Variants in DMD observed in about 807,000 individuals in gnomAD.
DMD encodes dystrophin.
DMD carries 63 observed loss-of-function variants against 330.1 expected under a neutral mutation model. The ratio of observed to expected loss-of-function variants is 0.19; its 90% confidence interval spans 0.16 to 0.24. The LOEUF (loss-of-function observed/expected upper bound fraction) is 0.24, where lower values mean the gene tolerates loss of function less well. DMD is among the 10% of genes least tolerant of loss of function. The probability of loss-of-function intolerance (pLI) is 1.00; values close to 1 mark genes in which losing one functional copy is unlikely to be tolerated. For synonymous variants in DMD, 1,223 were observed against 959.8 expected (o/e 1.27, Z -5.07); for missense variants, 3,344 against 2,684.1 (o/e 1.25, Z -5.43).
Position 31,582,692 on chromosome X carries a change from C to T in DMD, c.8217+44981G>A, listed in dbSNP as rs187301915. Among the ~76,000 whole-genome samples, 399 of 111,379 alleles carry T rather than the reference C, an allele frequency of 3.6e-3. 2 individuals carry two copies. Among genetic ancestry groups the T allele is most frequent in the African/African-American group, 0.012 (374 of 30,657 alleles). ...AATCTCATTTAAGCCCTTTAGTCAC[C>T]CTAAGAAACAGAAAACTTTATGAGG... is the stretch of plus-strand genomic sequence containing the variant. On this transcript the variant is annotated intron_variant, in intron 55 of 78. Transcript: ENST00000357033.
At chrX:32,311,833 C>A (rs1218008986) in intron 41 of DMD, among the ~76,000 whole-genome samples, 1 of 111,670 alleles carries the variant, frequency 9.0e-6, no homozygotes, top group East Asian at 2.8e-4. Context: ...TTCACTGACA[C>A]ATTAAACAGT....
At chrX:32,852,259 C>G (rs1344397325) in intron 2 of DMD, among the ~76,000 whole-genome samples, 1 of 111,496 alleles carries the variant, frequency 9.0e-6, no homozygotes, top group Non-Finnish European at 1.9e-5. Flanking sequence ...GGCCCTGGCT[C>G]CTGAGTGACA....
At chrX:31,721,636 T>C (rs1051495614) in intron 52 of DMD, among the ~76,000 whole-genome samples, 1 of 100,305 alleles carries the variant, frequency 1.0e-5, no homozygotes, top group Non-Finnish European at 2.0e-5. Flanking sequence ...TGTATATATA[T>C]AATATTATTA....
intron 44 of DMD, among the ~76,000 whole-genome samples, chrX:32,161,451 A>C (rs2096849067): frequency 8.9e-6 from 1 of 111,840 alleles, no homozygotes; most frequent in Non-Finnish European, 1.9e-5. Flanking sequence ...GAGCTTATAC[A>C]AGACCGTGGG....
At chrX:32,628,099 G>T (rs908518563) in intron 11 of DMD, among the ~76,000 whole-genome samples, 1 of 107,779 alleles carries the variant, frequency 9.3e-6, no homozygotes, top group African/African-American at 3.4e-5. Context: ...ATGTTTGACA[G>T]TAATCATCCT....
intron 60 of DMD, among the ~76,000 whole-genome samples, chrX:31,382,285 C>T (rs868276265): frequency 9.0e-6 from 1 of 111,605 alleles, no homozygotes; most frequent in African/African-American, 3.3e-5. Flanking sequence ...CCTGTATGGA[C>T]GCTCCTTTTT....
At chrX:31,414,649 G>A (rs2061790688) in intron 60 of DMD, among the ~76,000 whole-genome samples, 1 of 111,649 alleles carries the variant, frequency 9.0e-6, no homozygotes, top group South Asian at 3.8e-4. Context: ...CATTTCTTCC[G>A]CTCATCTGAT....
At chrX:32,836,033 A>C (rs1218971872) in intron 4 of DMD, among the ~76,000 whole-genome samples, 6 of 108,205 alleles carry the variant, frequency 5.5e-5, no homozygotes, top group Non-Finnish European at 1.1e-4. Context: ...GGTATTCAAA[A>C]AAAAATTTTT....
chrX:31,680,691 A>G (rs753708107), intron 52 of DMD, among the ~76,000 whole-genome samples: 1 of 110,920 alleles, frequency 9.0e-6, no homozygotes, highest in African/African-American at 3.3e-5. Context: ...TTCTTTTAAC[A>G]ATACCTAAGA....
chrX:33,119,129 A>C (rs1037512484), intron 1 of DMD, among the ~76,000 whole-genome samples: 18 of 112,530 alleles, frequency 1.6e-4, no homozygotes, highest in African/African-American at 5.5e-4. Flanking sequence ...TACTTCCTTG[A>C]ACTTTATTGA....
At chrX:32,657,023 GT>G in intron 9 of DMD, among the ~76,000 whole-genome samples, 1 of 110,375 alleles carries the variant, frequency 9.1e-6, no homozygotes, top group Non-Finnish European at 1.9e-5. Flanking sequence ...GTGTGTGTGT[GT>G]GTGTGTGTGT....
In DMD at chrX:32,342,122, C is replaced by T. The variant is rs750268924; in HGVS notation, c.5900G>A (p.Arg1967Gln). ...CACAATTTGTGCAAAGTTGAGTCTTCGAAACTGAGCAAATTTGCTCTCAAT... is the reference window on the plus strand; with the variant it reads ...CACAATTTGTGCAAAGTTGAGTCTTTGAAACTGAGCAAATTTGCTCTCAAT... ...REIESKFAQF[R>Q]RLNFAQIHTV... The change falls in exon 41 of 79, where the codon CGA (arginine) becomes CAA (glutamine). Residue 1967 changes from arginine (R) to glutamine (Q), a missense_variant. Coordinates refer to ENST00000357033, the MANE Select transcript of DMD (RefSeq NM_004006.3). 8 of 1,207,545 alleles carry T rather than the reference C, an allele frequency of 6.6e-6. 1 individual carries two copies. In the South Asian group the frequency reaches 1.1e-4, roughly 16 times the overall value.
intron 62 of DMD, among the ~76,000 whole-genome samples, chrX:31,308,851 T>C (rs1470088205): frequency 9.0e-6 from 1 of 111,243 alleles, no homozygotes; most frequent in Non-Finnish European, 1.9e-5. Flanking sequence ...TGCCTCAGCC[T>C]CCTGAGTAGT....
intron 60 of DMD, among the ~76,000 whole-genome samples, chrX:31,416,864 A>G (rs896037363): frequency 2.7e-5 from 3 of 112,216 alleles, no homozygotes; most frequent in Non-Finnish European, 5.6e-5. Flanking sequence ...GTAAGTAAAT[A>G]TTTGGGGTAA....
chrX:32,052,177 A>G (rs1009761310), intron 44 of DMD, among the ~76,000 whole-genome samples: 16 of 111,245 alleles, frequency 1.4e-4, no homozygotes, highest in Non-Finnish European at 3.0e-4. Flanking sequence ...TCCCCCAATA[A>G]TTAATCTTAA....
intron 45 of DMD, among the ~76,000 whole-genome samples, chrX:31,935,776 C>A: frequency 1.2e-5 from 1 of 83,252 alleles, no homozygotes; most frequent in South Asian, 4.5e-4. Flanking sequence ...GAAAAGAAAA[C>A]CCCAAACCCC....
intron 43 of DMD, among the ~76,000 whole-genome samples, chrX:32,227,543 A>G (rs1244755460): frequency 9.3e-6 from 1 of 107,270 alleles, no homozygotes; most frequent in African/African-American, 3.4e-5. Flanking sequence ...AATAATAGAC[A>G]CTGGAGACTC....
chrX:31,408,770 C>T (rs1339183872), intron 60 of DMD, among the ~76,000 whole-genome samples: 2 of 111,719 alleles, frequency 1.8e-5, no homozygotes, highest in Middle Eastern at 4.2e-3. Flanking sequence ...TTTTATTATA[C>T]AATGCTTTTA....
intron 17 of DMD, among the ~76,000 whole-genome samples, chrX:32,522,507 T>A (rs905670924): frequency 8.9e-6 from 1 of 112,278 alleles, no homozygotes; most frequent in African/African-American, 3.2e-5. Flanking sequence ...TTCAAATTAT[T>A]CTCTTCTAGC....
Sources: allele counts gnomAD v4.1 joint callset (sites outside exome capture counted in the v4.1 genomes callset), GRCh38; gene constraint gnomAD v4.1.1; transcripts MANE v1.5; gene names NCBI Gene and HGNC (gene_info 2026-07-23, HGNC 2026-07-21).